The following CD5L variants were observed in gnomAD, a reference collection of about 807,000 sequenced individuals.
The protein encoded by CD5L is CD5 antigen-like.
CD5L carries 39 observed loss-of-function variants against 40.8 expected under a neutral mutation model. The ratio of observed to expected loss-of-function variants is 0.96; its 90% CI spans 0.74 to 1.25. The LOEUF is 1.25. Among genes scored for constraint, CD5L ranks in the 50% most tolerant of loss-of-function variants. The pLI, the probability that CD5L is intolerant of heterozygous loss-of-function variation, is 0.00. For synonymous variants in CD5L, 192 were observed against 169.6 expected, an observed-to-expected ratio of 1.13 and a Z score of -1.03; for missense variants, 433 against 435.9, an observed-to-expected ratio of 0.99 and a Z score of 0.06.
chr1:157,830,761 G>A (rs1656024931), downstream of CD5L, among the ~76,000 whole-genome samples: 1 of 152,168 alleles, frequency 6.6e-6, no homozygotes. Flanking sequence ...TAGACTGGGA[G>A]ACAGTTGCAC....
At chr1:157,838,973 C>T (rs1656291891) in intron 2 of CD5L, among the ~76,000 whole-genome samples, 1 of 152,196 alleles carries the variant, frequency 6.6e-6, no homozygotes, top group Non-Finnish European at 1.5e-5. Context: ...CTGCAAGCAA[C>T]AATGCATTTC....
At position 157,831,434 on chromosome 1, in the gene CD5L, C is replaced by A. The variant is rs564289849; in HGVS notation, c.*530G>T. The A allele has an allele frequency of 1.0e-6, 1 of 983,826 alleles. No individual in the cohort carries two copies. The highest frequency in any genetic ancestry group is 4.7e-5 in the South Asian group (1 of 21,218). 60.9% of individuals were successfully genotyped at this position (983,826 alleles called of 1,614,324 possible). ...GTGTTGCTATTGTGGTCACCTGAAGCTTGAGGAAAAAAAAAAAAAGTAGTC... is the reference window on the plus strand; with the variant it reads ...GTGTTGCTATTGTGGTCACCTGAAGATTGAGGAAAAAAAAAAAAAGTAGTC... On this transcript the variant is annotated 3_prime_UTR_variant, in exon 6 of 6. Coordinates refer to ENST00000368174, the MANE Select transcript of CD5L (RefSeq NM_005894.3).
intron 1 of CD5L, among the ~76,000 whole-genome samples, chr1:157,840,462 G>A (rs1186196212): frequency 1.3e-5 from 2 of 152,146 alleles, no homozygotes; most frequent in African/African-American, 4.8e-5. Flanking sequence ...GATTCAAGTA[G>A]TTCAGTGGTT....
chr1:157,830,190 A>C (rs1381811158), downstream of CD5L, among the ~76,000 whole-genome samples: 2 of 152,238 alleles, frequency 1.3e-5, 1 homozygote, highest in African/African-American at 4.8e-5. Context: ...AATTTGTCTC[A>C]CATTTCATAT....
rs2101938704 is a variant in CD5L, at chr1:157,836,005, G to A, written c.206C>T (p.Ala69Val). ...AVLCRELGCG[A>V]ASGTPSGILY... is the part of the protein sequence containing the mutation. ...AATACCACTAGGGGTTCCGCTGGCA[G>A]CTCCACAGCCCAGCTCCCGGCACAA... is the stretch of plus-strand genomic sequence containing the variant. The change falls in exon 3 of 6, where the codon GCT (alanine) becomes GTT (valine). Residue 69 changes from alanine (A) to valine (V), a missense_variant. Coordinates refer to ENST00000368174, the MANE Select transcript of CD5L (RefSeq NM_005894.3). 1 of 1,614,188 alleles carries A rather than the reference G, an allele frequency of 6.2e-7. No individual in the cohort carries two copies. The highest frequency in any genetic ancestry group is 8.5e-7 in the Non-Finnish European group (1 of 1,180,034).
chr1:157,834,502 C>T lies in CD5L; in HGVS notation c.623G>A (p.Cys208Tyr). ...RKPIWLSQMS[C>Y]SGREATLQDC... ...CTGAAGGGTTGCTTCTCGTCCTGAG[C>T]ATGACATCTGGCTCAGCCAGATGGG... Residue 208 changes from cysteine to tyrosine, a missense_variant, in exon 4 of 6, where the codon TGC becomes TAC. By Grantham distance (194) the Cys-to-Tyr change is radical. Coordinates refer to ENST00000368174, the MANE Select transcript of CD5L (RefSeq NM_005894.3). 6.2e-7 allele frequency: 1 copy of T among 1,614,222 alleles called. No homozygotes were observed. The highest frequency in any genetic ancestry group is 1.1e-5 in the South Asian group (1 of 91,088).
rs776331889 is a variant in CD5L at position 157,835,813 on chromosome 1, C to A, written c.376+22G>T. 6 of 1,583,142 alleles carry A rather than the reference C, an allele frequency of 3.8e-6. No homozygotes were observed. The South Asian group carries it at 5.8e-5, about 15-fold the overall frequency. ...AGGGGTATGGCAGCTGGCAAGTGGT[C>A]CGGGACCCCTGCCATACTCACTCTC... On this transcript the variant is annotated intron_variant, in intron 3 of 5. Coordinates refer to ENST00000368174, the MANE Select transcript of CD5L (RefSeq NM_005894.3).
chr1:157,828,091 GAGA>G (rs1159507013), downstream of CD5L, among the ~76,000 whole-genome samples: 3 of 152,280 alleles, frequency 2.0e-5, no homozygotes, highest in South Asian at 4.1e-4. Flanking sequence ...GTAAGTGGAG[GAGA>G]AGGAGTGATA....
chr1:157,841,795 G>T lies in CD5L; in HGVS notation c.-94C>A, dbSNP rs2281870. The stretch of plus-strand genomic sequence containing the variant: ...AGTTTTAGCTGCAAGTATGTTAAGA[G>T]GAGGGACAAAGACAGGTCCTGAGTG... On this transcript the variant is annotated 5_prime_UTR_variant, in exon 1 of 6. Coordinates refer to ENST00000368174, the MANE Select transcript of CD5L (RefSeq NM_005894.3). 53,781 of 1,076,200 alleles carry T rather than the reference G, an allele frequency of 0.05. 1,868 individuals are homozygous for T. The highest frequency in any genetic ancestry group is 0.16 in the East Asian group (6,521 of 40,202). 66.7% of individuals were successfully genotyped at this position (1,076,200 alleles called of 1,614,324 possible). A position where few individuals can be genotyped will look rare whatever the true frequency, so the allele number is the denominator to read the frequency against.
downstream of CD5L, among the ~76,000 whole-genome samples, chr1:157,827,385 T>C (rs1655929219): frequency 6.6e-6 from 1 of 151,448 alleles, no homozygotes; most frequent in South Asian, 2.1e-4. Flanking sequence ...TGTGGAGACA[T>C]AGGAAAGGTG....
chr1:157,834,691 C>T lies in CD5L; in HGVS notation c.434G>A (p.Gly145Glu). The change falls in exon 4 of 6, where the codon GGG (glycine) becomes GAG (glutamate). Residue 145 changes from glycine to glutamate, a missense_variant. Coordinates refer to ENST00000368174, the MANE Select transcript of CD5L (RefSeq NM_005894.3). ...PEGVRLADGP[G>E]HCKGRVEVKH... ...CACTTCCACGCGTCCCTTGCAATGCCCAGGGCCGTCAGCCAGCCTGACACC... is the reference window on the plus strand; with the variant it reads ...CACTTCCACGCGTCCCTTGCAATGCTCAGGGCCGTCAGCCAGCCTGACACC... 6.2e-7 allele frequency: 1 copy of T among 1,614,168 alleles called. No individual in the cohort carries two copies. The highest frequency in any genetic ancestry group is 8.5e-7 in the Non-Finnish European group (1 of 1,180,034).
Position 157,830,967 on chromosome 1 carries a change from G to T in CD5L, c.*997C>A, listed in dbSNP as rs755002483. On this transcript the variant is annotated 3_prime_UTR_variant, in exon 6 of 6. Transcript: ENST00000368174. ...TAAGTGTAAATGTGTAAATGTAGCC[G>T]TATAATAAGTACTCAGCCTAGCCTC... 1 of 985,038 alleles carries T rather than the reference G, an allele frequency of 1.0e-6. No homozygotes were observed. Among genetic ancestry groups the T allele is most frequent in the African/African-American group, 1.7e-5 (1 of 57,202 alleles). The allele number at this position is 985,038 out of a possible 1,614,324, so 61.0% of individuals were successfully genotyped here. A position where few individuals can be genotyped will look rare whatever the true frequency, so the allele number is the denominator to read the frequency against.
rs1656103175 is a variant in CD5L, at chr1:157,833,410, C to T, written c.821G>A (p.Gly274Glu). The change falls in exon 5 of 6, where the codon GGA becomes GAA. Residue 274 changes from glycine (G) to glutamate (E), a missense_variant. Gly to Glu is a moderately conservative substitution (Grantham distance 98, BLOSUM62 -2). Coordinates refer to ENST00000368174, the MANE Select transcript of CD5L (RefSeq NM_005894.3). ...GCATACCACCTGGTCCTCCTTTTCT[C>T]CCCAGTTGTCATCACAGACAGAGCC... is the stretch of plus-strand genomic sequence containing the variant. ...VWGSVCDDNW[G>E]EKEDQVVCKQ... 1 of 1,613,968 alleles carries T rather than the reference C, an allele frequency of 6.2e-7. No individual in the cohort carries two copies. Among genetic ancestry groups the T allele is most frequent in the African/African-American group, 1.3e-5 (1 of 74,874 alleles).
rs1187076604 is a variant in CD5L at position 157,839,424 on chromosome 1, A to G, written c.29-14T>C. 1 of 1,612,928 alleles carries G rather than the reference A, an allele frequency of 6.2e-7. No individual in the cohort carries two copies. The highest frequency in any genetic ancestry group is 1.7e-5 in the Admixed American group (1 of 59,506). ...TGGTGCAAATGGCTGGGGAAGAAAGAAGGAAATGAGTGAGGTCAATTTCCA... is the reference window on the plus strand; with the variant it reads ...TGGTGCAAATGGCTGGGGAAGAAAGGAGGAAATGAGTGAGGTCAATTTCCA... On this transcript the variant is annotated splice_polypyrimidine_tract_variant and intron_variant, in intron 1 of 5. Coordinates refer to ENST00000368174, the MANE Select transcript of CD5L (RefSeq NM_005894.3).
chr1:157,835,760 G>T, intron 3 of CD5L, 75 bp downstream of exon 3: 1 of 1,224,060 alleles, frequency 8.2e-7, no homozygotes, highest in South Asian at 1.4e-5. Flanking sequence ...TCTATGGTAG[G>T]GAATGAAGAC....
intron 3 of CD5L, among the ~76,000 whole-genome samples, chr1:157,835,265 G>T (rs1656173741): frequency 1.3e-5 from 2 of 152,098 alleles, no homozygotes; most frequent in African/African-American, 2.4e-5. Flanking sequence ...CAATCACATC[G>T]CTGTCTAATG....
intron 4 of CD5L, among the ~76,000 whole-genome samples, chr1:157,834,067 C>T (rs1282677999): frequency 6.6e-6 from 1 of 152,080 alleles, no homozygotes; most frequent in Non-Finnish European, 1.5e-5. Context: ...ACTTCCCCGT[C>T]TATTTTATAA....
At chr1:157,830,480 CT>C (rs1656018092), downstream of CD5L, among the ~76,000 whole-genome samples, 1 of 152,172 alleles carries the variant, frequency 6.6e-6, no homozygotes, top group Non-Finnish European at 1.5e-5. Flanking sequence ...GTGGTGGGCT[CT>C]CTCCCTCCCA....
At position 157,834,700 on chromosome 1, in the gene CD5L, T is replaced by G. The variant is rs772926210; in HGVS notation, c.425A>C (p.Asp142Ala). Residue 142 changes from aspartate (D) to alanine (A), a missense_variant, in exon 4 of 6, where the codon GAC (aspartate) becomes GCC (alanine). By Grantham distance (126) the Asp-to-Ala change is moderately radical. Transcript: ENST00000368174. ...GCGTCCCTTGCAATGCCCAGGGCCG[T>G]CAGCCAGCCTGACACCCTCTGGGAC... ...SPVPEGVRLA[D>A]GPGHCKGRVE... 6.2e-7 allele frequency: 1 copy of G among 1,614,098 alleles called. No homozygotes were observed. Among genetic ancestry groups the G allele is most frequent in the East Asian group, 2.2e-5 (1 of 44,872 alleles).
Sources: allele counts gnomAD v4.1 joint callset (sites outside exome capture counted in the v4.1 genomes callset), GRCh38; gene constraint gnomAD v4.1.1; transcripts MANE v1.5; gene names NCBI Gene and HGNC (gene_info 2026-07-23, HGNC 2026-07-21).